The following SLC11A2 variants were observed in gnomAD, a reference collection of about 807,000 sequenced individuals.
The protein encoded by SLC11A2 is natural resistance-associated macrophage protein 2.
SLC11A2 carries 38 observed loss-of-function variants against 68.0 expected under a neutral mutation model. The observed-to-expected ratio is 0.56, with a 90% CI of 0.43 to 0.73. SLC11A2 has a LOEUF of 0.73. SLC11A2 is among the 30% of genes least tolerant of loss of function. The pLI is 0.00. For synonymous variants in SLC11A2, 242 were observed against 250.6 expected, an observed-to-expected ratio of 0.97 and a Z score of 0.32; for missense variants, 517 against 690.5, an observed-to-expected ratio of 0.75 and a Z score of 2.82.
chr12:50,969,112 T>C, the SLC11A2 span, among the ~76,000 whole-genome samples: 1 of 151,104 alleles, frequency 6.6e-6, no homozygotes, highest in African/African-American at 2.4e-5. Flanking sequence ...CTGGCCTACA[T>C]GGTGAAACCC....
At chr12:51,003,563 C>T (rs1287487459) in intron 5 of SLC11A2, among the ~76,000 whole-genome samples, 2 of 146,950 alleles carry the variant, frequency 1.4e-5, no homozygotes, top group African/African-American at 5.0e-5. Context: ...AAAAAAAAAA[C>T]AAAACAAACA....
Position 50,987,303 on chromosome 12 carries a change from C to A in SLC11A2, c.*1022G>T. 1 of 1,287,196 alleles carries A rather than the reference C, an allele frequency of 7.8e-7. No homozygotes were observed. Among genetic ancestry groups the A allele is most frequent in the South Asian group, 1.2e-5 (1 of 80,936 alleles). The allele number at this position is 1,287,196 out of a possible 1,614,324, so 79.7% of individuals were successfully genotyped here. Reference sequence around the variant, plus strand: ...ACAGTGTGCTTTGCAACGGTTAAGTCCACAGCTCCTGAGATTGCCTCGCAA... The same window carrying A: ...ACAGTGTGCTTTGCAACGGTTAAGTACACAGCTCCTGAGATTGCCTCGCAA... On this transcript the variant is annotated 3_prime_UTR_variant, in exon 16 of 16. Transcript: ENST00000262052.
chr12:50,987,785 G>C lies in SLC11A2; in HGVS notation c.*540C>G, dbSNP rs938812945. ...AGTTCAAAGAATCCTAAGCCTGATA[G>C]AGCTAGGTGTCTCTTCATTTTATAT... On this transcript the variant is annotated 3_prime_UTR_variant, in exon 16 of 16. Coordinates refer to ENST00000262052, the MANE Select transcript of SLC11A2 (RefSeq NM_000617.3). 1 of 1,278,826 alleles carries C rather than the reference G, an allele frequency of 7.8e-7. No individual in the cohort carries two copies. Among genetic ancestry groups the C allele is most frequent in the Non-Finnish European group, 1.0e-6 (1 of 985,970 alleles). The allele number at this position is 1,278,826 out of a possible 1,614,324, so 79.2% of individuals were successfully genotyped here.
At chr12:50,994,102 C>T (rs12372098) in intron 11 of SLC11A2, among the ~76,000 whole-genome samples, 1 of 150,674 alleles carries the variant, frequency 6.6e-6, no homozygotes, top group Admixed American at 6.6e-5. Context: ...GTGCAGTGGC[C>T]CAATCTCGGC....
At chr12:51,023,785 G>A (rs897752826) in intron 1 of SLC11A2, among the ~76,000 whole-genome samples, 32 of 152,054 alleles carry the variant, frequency 2.1e-4, no homozygotes, top group Non-Finnish European at 3.8e-4. Flanking sequence ...TGGCACCCAG[G>A]GGCTCAAGAC....
the SLC11A2 span, among the ~76,000 whole-genome samples, chr12:50,962,151 C>T: frequency 2.5e-4 from 38 of 152,180 alleles, no homozygotes; most frequent in African/African-American, 2.4e-4. Context: ...TTTGGGATGC[C>T]GAGGCGGGCA....
chr12:50,999,148 G>T, intron 8 of SLC11A2, 26 bp downstream of exon 8: 1 of 1,539,572 alleles, frequency 6.5e-7, no homozygotes, highest in Non-Finnish European at 9.0e-7. Flanking sequence ...ATTTTAAGAA[G>T]CTAATGAATA....
downstream of SLC11A2, among the ~76,000 whole-genome samples, chr12:50,978,033 CA>C (rs1939872888): frequency 2.0e-5 from 3 of 152,196 alleles, no homozygotes; most frequent in Non-Finnish European, 4.4e-5. Flanking sequence ...GGAACTTTTA[CA>C]CTGTTGGTGG....
intron 5 of SLC11A2, chr12:51,000,655 G>A: frequency 3.4e-6 from 2 of 586,814 alleles, no homozygotes. Context: ...GGTCAAGGCA[G>A]TAATTGATCT....
In SLC11A2 at chr12:51,006,092, G is replaced by A. The variant is rs190920466; in HGVS notation, c.184-656C>T. The A allele has an allele frequency of 1.0e-3, 204 of 201,162 alleles. 1 individual carries two copies. Among genetic ancestry groups the A allele is most frequent in the African/African-American group, 4.4e-3 (189 of 42,572 alleles). The allele number at this position is 201,162 out of a possible 1,614,324, so 12.5% of individuals were successfully genotyped here. Reference sequence around the variant, plus strand: ...GCAGATCACCTGAGGTTGGGAGTTCGAGACCAGTCTGACCAACACTTTAGT... The same window carrying A: ...GCAGATCACCTGAGGTTGGGAGTTCAAGACCAGTCTGACCAACACTTTAGT... On this transcript the variant is annotated intron_variant, in intron 3 of 15. Coordinates refer to ENST00000262052, the MANE Select transcript of SLC11A2 (RefSeq NM_000617.3).
downstream of SLC11A2, among the ~76,000 whole-genome samples, chr12:50,977,799 A>C (rs533566559): frequency 5.3e-4 from 81 of 152,356 alleles, no homozygotes; most frequent in African/African-American, 1.9e-3. Context: ...CAATTTCACA[A>C]GAAAAAAAAC....
At chr12:50,953,622 T>C in the SLC11A2 span, among the ~76,000 whole-genome samples, 967 of 152,344 alleles carry the variant, frequency 6.3e-3, 2 homozygotes, top group Middle Eastern at 0.024. Context: ...TTTAAAATGA[T>C]ACTTTAAAAA....
intron 1 of SLC11A2, among the ~76,000 whole-genome samples, chr12:51,019,643 A>AC (rs1943900982): frequency 1.4e-5 from 2 of 145,286 alleles, no homozygotes; most frequent in African/African-American, 5.1e-5. Context: ...TATCCATCCA[A>AC]CTTTTTTTTT....
intron 4 of SLC11A2, 140 bp downstream of exon 4, chr12:51,005,167 GGAAA>G: frequency 1.0e-6 from 1 of 957,532 alleles, no homozygotes; most frequent in South Asian, 1.4e-5. Context: ...AAGACCAAAT[GGAAA>G]GTACTTTACA....
At chr12:51,011,116 C>A (rs1943181117) in intron 1 of SLC11A2, among the ~76,000 whole-genome samples, 2 of 139,518 alleles carry the variant, frequency 1.4e-5, no homozygotes, top group African/African-American at 5.4e-5. Flanking sequence ...AGTGAGACAG[C>A]AAATACCATT....
the SLC11A2 span, chr12:50,953,778 C>CCTCT: frequency 0.18 from 87,565 of 480,414 alleles, 9,897 homozygotes; most frequent in East Asian, 0.49. Context: ...ATTATCATTT[C>CCTCT]CTCTATGTAT....
the SLC11A2 span, among the ~76,000 whole-genome samples, chr12:50,972,309 A>C: frequency 1.3e-5 from 2 of 152,078 alleles, no homozygotes; most frequent in African/African-American, 2.4e-5. Context: ...TACTCTGAGA[A>C]AGCTAAAGTA....
intron 1 of SLC11A2, among the ~76,000 whole-genome samples, chr12:51,012,073 A>G (rs1180798043): frequency 6.6e-6 from 1 of 152,156 alleles, no homozygotes; most frequent in Non-Finnish European, 1.5e-5. Context: ...ACCCTCTGAC[A>G]ACTAGAAGAA....
the SLC11A2 span, chr12:50,961,226 ACTGAT>A: frequency 1.6e-5 from 16 of 1,010,578 alleles, no homozygotes; most frequent in Non-Finnish European, 2.3e-5. Context: ...GGTAGGAAAG[ACTGAT>A]CTTCCCTTAG....
Sources: allele counts gnomAD v4.1 joint callset (sites outside exome capture counted in the v4.1 genomes callset), GRCh38; gene constraint gnomAD v4.1.1; transcripts MANE v1.5; gene names NCBI Gene and HGNC (gene_info 2026-07-23, HGNC 2026-07-21).